Variants in SLC14A2 observed in about 807,000 individuals in gnomAD.
SLC14A2 encodes the protein urea transporter 2.
In SLC14A2, 91 loss-of-function variants were observed where a neutral mutation model predicts 104.6. The observed-to-expected ratio is 0.87, with a 90% CI of 0.73 to 1.04. The LOEUF (loss-of-function observed/expected upper bound fraction) is 1.04. Ranked by LOEUF, SLC14A2 falls within the 50% of genes least tolerant of loss-of-function variation. The probability of loss-of-function intolerance (pLI) is 0.00; values close to 1 mark genes in which losing one functional copy is unlikely to be tolerated. For missense variants in SLC14A2, 1,189 were observed against 1,156.0 expected, an observed-to-expected ratio of 1.03 and a Z score of -0.41; for synonymous variants, 476 against 466.4, an observed-to-expected ratio of 1.02 and a Z score of -0.27.
At chr18:45,260,529 A>G (rs2084525084) in intron 1 of SLC14A2, among the ~76,000 whole-genome samples, 1 of 152,164 alleles carries the variant, frequency 6.6e-6, no homozygotes, top group Admixed American at 6.5e-5. Context: ...TTGCAGCACT[A>G]TTCACAATAG....
intron 1 of SLC14A2, among the ~76,000 whole-genome samples, chr18:45,420,024 C>G (rs1480004284): frequency 6.6e-6 from 1 of 152,192 alleles, no homozygotes; most frequent in Non-Finnish European, 1.5e-5. Flanking sequence ...TCACAGTTTC[C>G]ATGGGTCACA....
rs947935401 is a variant in SLC14A2 at position 45,485,738 on chromosome 18, C to CT, written c.-35+2426dup. Reference sequence around the variant, plus strand: ...ACTTTAGTGAATAATTTTCCAGTGACTTTTTTTTTTGTTACTGAGTGCAAA... The same window carrying CT: ...ACTTTAGTGAATAATTTTCCAGTGACTTTTTTTTTTTGTTACTGAGTGCAAA... On this transcript the variant is annotated intron_variant, in intron 2 of 20. Coordinates refer to the SLC14A2 transcript ENST00000586448. Among the ~76,000 whole-genome samples the CT allele has an allele frequency of 4.4e-4, 66 of 149,490 alleles. 1 individual carries two copies. The highest frequency in any genetic ancestry group is 4.3e-3 in the South Asian group (20 of 4,698).
At chr18:45,554,932 C>T (rs2044111132) in intron 2 of SLC14A2, among the ~76,000 whole-genome samples, 1 of 152,186 alleles carries the variant, frequency 6.6e-6, no homozygotes, top group Non-Finnish European at 1.5e-5. Context: ...TAAGACTATT[C>T]CCCATCAGTA....
intron 18 of SLC14A2, among the ~76,000 whole-genome samples, chr18:45,675,323 C>T (rs2046208010): frequency 6.6e-6 from 1 of 152,144 alleles, no homozygotes; most frequent in Non-Finnish European, 1.5e-5. Context: ...AAGCTGAAAA[C>T]TCCAGCTTTA....
intron 1 of SLC14A2, among the ~76,000 whole-genome samples, chr18:45,263,394 A>C (rs1320569255): frequency 6.6e-6 from 1 of 152,184 alleles, no homozygotes; most frequent in Admixed American, 6.5e-5. Context: ...TCACTTGGTT[A>C]AATTGGTGTT....
At chr18:45,608,463 A>G (rs1434096608) in intron 2 of SLC14A2, among the ~76,000 whole-genome samples, 2 of 152,302 alleles carry the variant, frequency 1.3e-5, no homozygotes, top group African/African-American at 2.4e-5. Flanking sequence ...AAGAGCTGCA[A>G]TTTGGCTCTT....
intron 10 of SLC14A2, among the ~76,000 whole-genome samples, chr18:45,645,626 T>TATATATATATATATATATATATACACAC (rs2045610666): frequency 2.2e-4 from 1 of 4,604 alleles, no homozygotes; most frequent in East Asian, 2.3e-3. Context: ...TATATATACA[T>TATATATATATATATATATATATACACAC]ATACAAAGAT....
At chr18:45,248,137 C>T (rs1423675896) in intron 1 of SLC14A2, among the ~76,000 whole-genome samples, 1 of 152,020 alleles carries the variant, frequency 6.6e-6, no homozygotes, top group African/African-American at 2.4e-5. Context: ...GCTTAGCTGG[C>T]AAGAGTCACT....
intron 1 of SLC14A2, among the ~76,000 whole-genome samples, chr18:45,306,930 A>G (rs2085028020): frequency 6.6e-6 from 1 of 152,094 alleles, no homozygotes; most frequent in South Asian, 2.1e-4. Flanking sequence ...CACCTCCACC[A>G]TCAGAAGACA....
At chr18:45,441,169 G>T (rs1168407971) in intron 1 of SLC14A2, among the ~76,000 whole-genome samples, 2 of 152,102 alleles carry the variant, frequency 1.3e-5, no homozygotes, top group Non-Finnish European at 2.9e-5. Context: ...TTATGCCAAT[G>T]TTCCAGCCTC....
chr18:45,504,227 G>T (rs971050857), intron 2 of SLC14A2, among the ~76,000 whole-genome samples: 11 of 152,154 alleles, frequency 7.2e-5, no homozygotes, highest in African/African-American at 2.7e-4. Flanking sequence ...ACAATACTTT[G>T]AGGCAGCTGG....
intron 1 of SLC14A2, among the ~76,000 whole-genome samples, chr18:45,405,740 T>C (rs1196910679): frequency 6.6e-6 from 1 of 151,632 alleles, no homozygotes; most frequent in African/African-American, 2.4e-5. Context: ...CTAGTAAAAA[T>C]ACAAAAAAAT....
intron 1 of SLC14A2, among the ~76,000 whole-genome samples, chr18:45,216,807 C>T (rs1015664949): frequency 2.0e-5 from 3 of 152,144 alleles, no homozygotes; most frequent in Admixed American, 2.0e-4. Flanking sequence ...TTGGCCAAGG[C>T]CCAAGAAGGT....
chr18:45,648,381 A>AT (rs1263036098), intron 10 of SLC14A2, among the ~76,000 whole-genome samples: 1 of 151,606 alleles, frequency 6.6e-6, no homozygotes, highest in Non-Finnish European at 1.5e-5. Context: ...AATTTTTTGT[A>AT]TTTTTAGTAG....
chr18:45,673,429 T>C (rs965700387), intron 17 of SLC14A2, among the ~76,000 whole-genome samples: 18 of 152,228 alleles, frequency 1.2e-4, no homozygotes, highest in Non-Finnish European at 2.2e-4. Context: ...CTCTGGACTG[T>C]TTAAATCAGA....
chr18:45,342,512 T>G (rs531176386), intron 1 of SLC14A2, among the ~76,000 whole-genome samples: 4 of 152,282 alleles, frequency 2.6e-5, no homozygotes, highest in African/African-American at 9.6e-5. Context: ...GAATTTTAAT[T>G]TAGAACAAAA....
chr18:45,524,553 G>A lies in SLC14A2; in HGVS notation c.-35+41231G>A, dbSNP rs115753441. Among the ~76,000 whole-genome samples, 655 of 152,252 alleles carry A rather than the reference G, an allele frequency of 4.3e-3. 4 individuals are homozygous for A. The highest frequency in any genetic ancestry group is 0.014 in the African/African-American group (600 of 41,538). Reference sequence around the variant, plus strand: ...CAGCCTGATCACCTATGGTAGGCAAGGTACCCTGAACATAGTTCCCTATCC... The same window carrying A: ...CAGCCTGATCACCTATGGTAGGCAAAGTACCCTGAACATAGTTCCCTATCC... On this transcript the variant is annotated intron_variant, in intron 2 of 20. Transcript: ENST00000586448.
intron 18 of SLC14A2, among the ~76,000 whole-genome samples, chr18:45,674,478 C>A (rs1048723970): frequency 1.3e-5 from 2 of 152,070 alleles, no homozygotes; most frequent in South Asian, 2.1e-4. Context: ...GATATATTTT[C>A]TTTTGCATTT....
At chr18:45,259,272 C>T (rs2084511524) in intron 1 of SLC14A2, among the ~76,000 whole-genome samples, 1 of 152,084 alleles carries the variant, frequency 6.6e-6, no homozygotes. Context: ...GAATTATGTC[C>T]ACTGTAGGGT....
Sources: allele counts gnomAD v4.1 joint callset (sites outside exome capture counted in the v4.1 genomes callset), GRCh38; gene constraint gnomAD v4.1.1; transcripts MANE v1.5; gene names NCBI Gene and HGNC (gene_info 2026-07-23, HGNC 2026-07-21).